The following CEMIP variants were observed in gnomAD, a reference collection of about 807,000 sequenced individuals.
CEMIP encodes cell migration-inducing and hyaluronan-binding protein.
A neutral mutation model predicts 156.9 loss-of-function variants in CEMIP; 105 were observed. The ratio of observed to expected loss-of-function variants is 0.67; its 90% confidence interval spans 0.57 to 0.79. The LOEUF (loss-of-function observed/expected upper bound fraction) is 0.79, where lower values mean the gene tolerates loss of function less well. Among genes scored for constraint, CEMIP ranks in the 30% least tolerant of loss-of-function variants. The probability of loss-of-function intolerance (pLI) is 0.00; values close to 1 mark genes in which losing one functional copy is unlikely to be tolerated. For missense variants in CEMIP, 1,457 were observed against 1,769.4 expected, an observed-to-expected ratio of 0.82 and a Z score of 3.17; for synonymous variants, 676 against 668.4, an observed-to-expected ratio of 1.01 and a Z score of -0.17.
intron 14 of CEMIP, among the ~76,000 whole-genome samples, chr15:80,919,841 G>A (rs1324521111): frequency 6.6e-6 from 1 of 150,808 alleles, no homozygotes; most frequent in African/African-American, 2.4e-5. Flanking sequence ...ACCATCCCAT[G>A]CTTTGTCCCA....
At chr15:80,883,546 A>G (rs988175281) in intron 6 of CEMIP, among the ~76,000 whole-genome samples, 7 of 152,274 alleles carry the variant, frequency 4.6e-5, no homozygotes, top group Non-Finnish European at 2.9e-5. Context: ...CTCAAATGTT[A>G]TATGACTGCT....
chr15:80,878,089 C>G (rs1294304288), intron 3 of CEMIP, among the ~76,000 whole-genome samples: 1 of 152,170 alleles, frequency 6.6e-6, no homozygotes, highest in Non-Finnish European at 1.5e-5. Flanking sequence ...AGGGTTCTTG[C>G]AAAATGTCCC....
At chr15:80,897,132 A>C (rs1411850701) in intron 12 of CEMIP, 5 of 340,296 alleles carry the variant, frequency 1.5e-5, no homozygotes, top group Non-Finnish European at 2.4e-5. Flanking sequence ...AAGAAAGGGG[A>C]ATCAGAACTT....
chr15:80,839,620 A>C (rs1897347254), intron 1 of CEMIP, among the ~76,000 whole-genome samples: 1 of 151,098 alleles, frequency 6.6e-6, no homozygotes, highest in Non-Finnish European at 1.5e-5. Flanking sequence ...CTTTGTGGCT[A>C]ACAGGGGCTG....
At chr15:80,927,029 CCACAT>C in intron 19 of CEMIP, among the ~76,000 whole-genome samples, 1 of 152,176 alleles carries the variant, frequency 6.6e-6, no homozygotes, top group Admixed American at 6.5e-5. Context: ...CGGGGTTTCA[CCACAT>C]TGGCCAGGCT....
chr15:80,900,674 GTGTATTT>G (rs1567091087), intron 12 of CEMIP, among the ~76,000 whole-genome samples: 24 of 120,068 alleles, frequency 2.0e-4, no homozygotes, highest in African/African-American at 6.9e-4. Context: ...GTGTGTGTGT[GTGTATTT>G]TGTGTGTGTA....
intron 23 of CEMIP, among the ~76,000 whole-genome samples, chr15:80,934,496 G>A (rs1391242034): frequency 6.6e-6 from 1 of 152,192 alleles, no homozygotes; most frequent in Non-Finnish European, 1.5e-5. Context: ...TAACGGGAGA[G>A]AGGCCTGAGA....
At chr15:80,831,846 T>TA (rs1249132368) in intron 1 of CEMIP, among the ~76,000 whole-genome samples, 1 of 152,220 alleles carries the variant, frequency 6.6e-6, no homozygotes, top group African/African-American at 2.4e-5. Flanking sequence ...TGCTGGCCAC[T>TA]GGGCTCATTC....
Position 80,889,553 on chromosome 15 carries a change from T to C in CEMIP, c.1047T>C (p.Ala349=), listed in dbSNP as rs779167975. The C allele has an allele frequency of 6.2e-7, 1 of 1,614,154 alleles. No individual in the cohort carries two copies. The highest frequency in any genetic ancestry group is 8.5e-7 in the Non-Finnish European group (1 of 1,180,016). The part of the protein sequence containing the change: ...GGEKISDLWK[A]HPGKICNRPI... Reference sequence around the variant, plus strand: ...AGAAAATTTCAGACCTCTGGAAAGCTCACCCAGGAAAAATATGCAATCGTC... The same window carrying C: ...AGAAAATTTCAGACCTCTGGAAAGCCCACCCAGGAAAAATATGCAATCGTC... Residue 349 remains alanine, a synonymous_variant, in exon 10 of 30, where the codon GCT becomes GCC. Transcript: ENST00000394685.
intron 1 of CEMIP, among the ~76,000 whole-genome samples, chr15:80,785,137 A>T (rs1308169502): frequency 6.6e-6 from 1 of 152,234 alleles, no homozygotes; most frequent in East Asian, 1.9e-4. Flanking sequence ...TCGTTGTGCA[A>T]ATGGCAATTT....
At chr15:80,937,540 C>T (rs114729178) in intron 24 of CEMIP, among the ~76,000 whole-genome samples, 43 of 152,314 alleles carry the variant, frequency 2.8e-4, no homozygotes, top group African/African-American at 1.0e-3. Flanking sequence ...ATATGCAGCA[C>T]CCCCAGGGTT....
rs116619153 is a variant in CEMIP, at chr15:80,948,351, T to C, written c.3959-446T>C. The C allele has an allele frequency of 6.8e-3, 1,895 of 280,074 alleles. 39 individuals carry two copies. Among genetic ancestry groups the C allele is most frequent in the African/African-American group, 0.038 (1,761 of 46,128 alleles). The allele number at this position is 280,074 out of a possible 1,614,324, so 17.3% of individuals were successfully genotyped here. On this transcript the variant is annotated intron_variant, in intron 29 of 29. Transcript: ENST00000394685. ...CAAATTTCTTCACCTCTCAGAACTC[T>C]TTCTAGAGCCACAGAGTGATAGAGT...
intron 1 of CEMIP, among the ~76,000 whole-genome samples, chr15:80,851,569 T>C (rs556654057): frequency 6.6e-6 from 1 of 152,316 alleles, no homozygotes; most frequent in East Asian, 1.9e-4. Flanking sequence ...GAGTGATTCA[T>C]TCTTCTTGGA....
chr15:80,942,365 C>T (rs758847215), intron 27 of CEMIP, 28 bp downstream of exon 27: 4 of 1,582,916 alleles, frequency 2.5e-6, no homozygotes, highest in African/African-American at 2.7e-5. Flanking sequence ...CTGGAGGATT[C>T]GGGTTTGCTC....
intron 12 of CEMIP, among the ~76,000 whole-genome samples, chr15:80,898,928 A>G (rs2141867437): frequency 1.3e-5 from 2 of 152,304 alleles, no homozygotes; most frequent in South Asian, 4.1e-4. Context: ...TAGAAAGCAC[A>G]TACAGGCCGG....
rs1204447441 is a variant in CEMIP, at chr15:80,931,985, C to T, written c.2739C>T (p.Ala913=). The change falls in exon 22 of 30, where the codon GCC becomes GCT. Residue 913 remains alanine, a synonymous_variant. Coordinates refer to ENST00000394685, the MANE Select transcript of CEMIP (RefSeq NM_001293298.2). ...TSALAFRLNN[A]WQSCPHNNVT... ...CCCTGGCCTTCCGCCTGAATAATGC[C>T]TGGCAGAGCTGCCCCCATAACAACG... is the stretch of plus-strand genomic sequence containing the variant. 6.2e-7 allele frequency: 1 copy of T among 1,614,194 alleles called. No homozygotes were observed. The highest frequency in any genetic ancestry group is 8.5e-7 in the Non-Finnish European group (1 of 1,180,044).
rs1473765801 is a variant in CEMIP at position 80,796,216 on chromosome 15, CT to C, written c.-176+16603del. On this transcript the variant is annotated intron_variant, in intron 1 of 29. Coordinates refer to ENST00000394685, the MANE Select transcript of CEMIP (RefSeq NM_001293298.2). ...TTCAAATTCCTGGGCCCAAGCGATCCTCCTGTGTCGGCCTCCCGAGCAGTTG... is the reference window on the plus strand; with the variant it reads ...TTCAAATTCCTGGGCCCAAGCGATCCCCTGTGTCGGCCTCCCGAGCAGTTG... Among the ~76,000 whole-genome samples, 72 of 152,300 alleles carry C rather than the reference CT, an allele frequency of 4.7e-4. 1 individual carries two copies. The Middle Eastern group carries it at 0.014, about 29-fold the overall frequency.
intron 1 of CEMIP, among the ~76,000 whole-genome samples, chr15:80,830,973 C>T (rs182203139): frequency 1.4e-4 from 22 of 152,162 alleles, no homozygotes; most frequent in Non-Finnish European, 2.5e-4. Context: ...CTATATTAAT[C>T]ATGTACTGGG....
At chr15:80,808,300 C>A (rs1244860099) in intron 1 of CEMIP, among the ~76,000 whole-genome samples, 1 of 152,206 alleles carries the variant, frequency 6.6e-6, no homozygotes, top group Non-Finnish European at 1.5e-5. Context: ...CAGCCTTCCA[C>A]TGCTGAGACC....
Sources: gnomAD v4.1 joint callset for allele counts (sites outside exome capture counted in the v4.1 genomes callset) on GRCh38, gnomAD v4.1.1 for gene constraint, MANE v1.5 for transcripts, NCBI Gene and HGNC (gene_info 2026-07-23, HGNC 2026-07-21) for gene names.